Variants in NXPH1 observed in about 807,000 individuals in gnomAD.
NXPH1 encodes neurexophilin 1.
Under a neutral mutation model 23.7 loss-of-function variants are expected in NXPH1, and 5 were observed. The ratio of observed to expected loss-of-function variants is 0.21; its 90% CI spans 0.11 to 0.44. The LOEUF is 0.44. Among genes scored for constraint, NXPH1 ranks in the 20% least tolerant of loss-of-function variants. NXPH1 has a pLI of 0.99. For missense variants in NXPH1, 324 were observed against 321.6 expected, an observed-to-expected ratio of 1.01 and a Z score of -0.06; for synonymous variants, 144 against 122.2, an observed-to-expected ratio of 1.18 and a Z score of -1.18.
intron 2 of NXPH1, among the ~76,000 whole-genome samples, chr7:8,437,422 T>A (rs1028409845): frequency 1.3e-5 from 2 of 151,258 alleles, no homozygotes; most frequent in African/African-American, 4.9e-5. Flanking sequence ...ATTTTAAGGA[T>A]TCCCTTGACC....
chr7:8,523,720 A>C (rs538886213), intron 2 of NXPH1, among the ~76,000 whole-genome samples: 1 of 152,320 alleles, frequency 6.6e-6, no homozygotes, highest in South Asian at 2.1e-4. Context: ...TCCATGAGTG[A>C]ATGAGTAAAT....
At chr7:8,581,545 C>G (rs1210510428) in intron 2 of NXPH1, among the ~76,000 whole-genome samples, 4 of 152,184 alleles carry the variant, frequency 2.6e-5, no homozygotes, top group African/African-American at 9.7e-5. Flanking sequence ...AGGATCCAAT[C>G]ACCTCTCACC....
At chr7:8,576,224 C>T (rs1818753604) in intron 2 of NXPH1, among the ~76,000 whole-genome samples, 2 of 152,082 alleles carry the variant, frequency 1.3e-5, no homozygotes, top group Admixed American at 1.3e-4. Flanking sequence ...TTCATGTTTC[C>T]ATACTTAGCA....
chr7:8,470,569 A>C (rs879353737), intron 2 of NXPH1, among the ~76,000 whole-genome samples: 2 of 152,150 alleles, frequency 1.3e-5, no homozygotes, highest in Non-Finnish European at 2.9e-5. Flanking sequence ...AGATCTCAGG[A>C]AAAGGTAGAC....
chr7:8,659,326 A>G (rs1207310670), intron 2 of NXPH1, among the ~76,000 whole-genome samples: 4 of 152,210 alleles, frequency 2.6e-5, no homozygotes, highest in Non-Finnish European at 4.4e-5. Context: ...CAGACCCTCT[A>G]TTAAGGGTAT....
intron 2 of NXPH1, among the ~76,000 whole-genome samples, chr7:8,725,300 G>A (rs539761753): frequency 6.4e-4 from 97 of 152,164 alleles, no homozygotes; most frequent in Admixed American, 2.2e-3. Flanking sequence ...GACCAACCTG[G>A]GCAACATGGC....
intron 2 of NXPH1, among the ~76,000 whole-genome samples, chr7:8,550,383 AG>A (rs1818259447): frequency 6.6e-6 from 1 of 151,622 alleles, no homozygotes. Context: ...TATATTTTAA[AG>A]GGCATTCCAA....
At chr7:8,725,513 C>T (rs887883802) in intron 2 of NXPH1, among the ~76,000 whole-genome samples, 3 of 150,362 alleles carry the variant, frequency 2.0e-5, no homozygotes, top group Admixed American at 2.0e-4. Flanking sequence ...AAAAATCCAT[C>T]GTAGGGCCTG....
At chr7:8,554,184 G>C (rs1161246230) in intron 2 of NXPH1, among the ~76,000 whole-genome samples, 1 of 151,566 alleles carries the variant, frequency 6.6e-6, no homozygotes, top group African/African-American at 2.4e-5. Context: ...AAAAAAATAA[G>C]ACTATGCCAA....
Position 8,746,284 on chromosome 7 carries a change from A to G in NXPH1, c.55-4724A>G, listed in dbSNP as rs1780468805. ...TAGACATTGCCCTACTCCCTTCCTAAGTAAAAAGCAAGGACTGAGGGAATA... is the reference window on the plus strand; with the variant it reads ...TAGACATTGCCCTACTCCCTTCCTAGGTAAAAAGCAAGGACTGAGGGAATA... On this transcript the variant is annotated intron_variant, in intron 2 of 2. Coordinates refer to ENST00000405863, the MANE Select transcript of NXPH1 (RefSeq NM_152745.3). 2.0e-5 allele frequency among the ~76,000 whole-genome samples: 3 copies of G among 152,172 alleles called. No homozygotes were observed. In the South Asian group the frequency reaches 6.2e-4, roughly 32 times the overall value.
At chr7:8,663,063 T>A (rs1026779341) in intron 2 of NXPH1, among the ~76,000 whole-genome samples, 2 of 152,098 alleles carry the variant, frequency 1.3e-5, no homozygotes. Context: ...AGATGAATGC[T>A]TGCCTACAGA....
chr7:8,740,513 A>C (rs140107620), intron 2 of NXPH1, among the ~76,000 whole-genome samples: 2 of 152,200 alleles, frequency 1.3e-5, no homozygotes, highest in Non-Finnish European at 2.9e-5. Context: ...CAGGATTTGC[A>C]TTTAGACCTA....
intron 2 of NXPH1, among the ~76,000 whole-genome samples, chr7:8,541,463 T>A (rs1042776566): frequency 6.6e-6 from 1 of 151,536 alleles, no homozygotes; most frequent in African/African-American, 2.4e-5. Context: ...GATAAAGTTA[T>A]AAATCCAAGA....
At chr7:8,668,480 G>C (rs1255026062) in intron 2 of NXPH1, among the ~76,000 whole-genome samples, 2 of 150,348 alleles carry the variant, frequency 1.3e-5, no homozygotes, top group African/African-American at 5.0e-5. Flanking sequence ...TCAGCAGGTA[G>C]GCAAGCCTGA....
At chr7:8,647,993 C>T (rs1479981297) in intron 2 of NXPH1, among the ~76,000 whole-genome samples, 4 of 152,072 alleles carry the variant, frequency 2.6e-5, no homozygotes, top group Non-Finnish European at 5.9e-5. Context: ...ACTATCCAAA[C>T]TCACTGTATG....
At chr7:8,524,842 C>A (rs1035828188) in intron 2 of NXPH1, among the ~76,000 whole-genome samples, 1 of 152,174 alleles carries the variant, frequency 6.6e-6, no homozygotes, top group Non-Finnish European at 1.5e-5. Context: ...GCCTCCACAG[C>A]CACATGGAAC....
intron 2 of NXPH1, among the ~76,000 whole-genome samples, chr7:8,665,472 T>C (rs897072291): frequency 6.6e-6 from 1 of 152,094 alleles, no homozygotes; most frequent in Non-Finnish European, 1.5e-5. Flanking sequence ...TTGTTCTTTT[T>C]GTTCAAGATT....
intron 2 of NXPH1, among the ~76,000 whole-genome samples, chr7:8,738,436 G>A (rs1038025625): frequency 1.3e-5 from 2 of 152,118 alleles, no homozygotes; most frequent in African/African-American, 4.8e-5. Flanking sequence ...TGTTTGGCTG[G>A]GTATCACCAG....
At chr7:8,516,245 C>T (rs1010580792) in intron 2 of NXPH1, among the ~76,000 whole-genome samples, 1 of 151,990 alleles carries the variant, frequency 6.6e-6, no homozygotes, top group Non-Finnish European at 1.5e-5. Flanking sequence ...TATCTCTTTC[C>T]TCCCGCCTCC....
Sources: gnomAD v4.1 joint callset for allele counts (sites outside exome capture counted in the v4.1 genomes callset) on GRCh38, gnomAD v4.1.1 for gene constraint, MANE v1.5 for transcripts, NCBI Gene and HGNC (gene_info 2026-07-23, HGNC 2026-07-21) for gene names.